The following CAPN15 variants were observed in gnomAD, a reference collection of about 807,000 sequenced individuals.
The protein encoded by CAPN15 is calpain 15.
In CAPN15, 53 loss-of-function variants were observed where a neutral mutation model predicts 97.9. That is an observed-to-expected ratio of 0.54 (90% confidence interval 0.43 to 0.68). CAPN15 has a LOEUF of 0.68. Among genes scored for constraint, CAPN15 ranks in the 30% least tolerant of loss-of-function variants. The pLI is 0.00. For missense variants in CAPN15, 1,592 were observed against 1,589.8 expected, an observed-to-expected ratio of 1.00 and a Z score of -0.02; for synonymous variants, 922 against 722.5, an observed-to-expected ratio of 1.28 and a Z score of -4.43.
intron 3 of CAPN15, among the ~76,000 whole-genome samples, chr16:542,908 G>C (rs528354046): frequency 1.3e-5 from 2 of 152,154 alleles, no homozygotes; most frequent in Non-Finnish European, 2.9e-5. Context: ...AAAATTAGCT[G>C]GGCGTGGTGA....
chr16:537,187 C>G, intron 3 of CAPN15: 1 of 985,508 alleles, frequency 1.0e-6, no homozygotes, highest in Non-Finnish European at 1.2e-6. Context: ...TGTCCCTGCT[C>G]TCCTAGGACA....
At chr16:550,038 A>G (rs1442882141) in intron 7 of CAPN15, among the ~76,000 whole-genome samples, 200 bp downstream of exon 7, 2 of 152,024 alleles carry the variant, frequency 1.3e-5, no homozygotes, top group Non-Finnish European at 2.9e-5. Context: ...TTCTCATGCC[A>G]GGAAGGCCAC....
chr16:533,955 C>T lies in CAPN15; in HGVS notation c.-180C>T. On this transcript the variant is annotated 5_prime_UTR_variant, in exon 2 of 14. Coordinates refer to ENST00000219611, the MANE Select transcript of CAPN15 (RefSeq NM_005632.3). ...ATGCCTCCCTTTCTAGGCAGCAGCC[C>T]AGACGCGGCACAGAGAGGGCCTGGG... The T allele has an allele frequency of 1.0e-6, 1 of 985,404 alleles. No homozygotes were observed. The highest frequency in any genetic ancestry group is 1.2e-6 in the Non-Finnish European group (1 of 829,904). The allele number at this position is 985,404 out of a possible 1,614,324, so 61.0% of individuals were successfully genotyped here. A position where few individuals can be genotyped will look rare whatever the true frequency, so the allele number is the denominator to read the frequency against.
At position 553,880 on chromosome 16, in the gene CAPN15, A is replaced by C; in HGVS notation, c.*364A>C. ...AGCCAGGAGCTCTGTCCGCAAAACC[A>C]AATCTGGGTGTCAGAGGCCAAGACC... is the stretch of plus-strand genomic sequence containing the variant. On this transcript the variant is annotated 3_prime_UTR_variant, in exon 14 of 14. Coordinates refer to ENST00000219611, the MANE Select transcript of CAPN15 (RefSeq NM_005632.3). The C allele has an allele frequency of 4.9e-6, 1 of 206,114 alleles. No individual in the cohort carries two copies. The allele number at this position is 206,114 out of a possible 1,614,324, so 12.8% of individuals were successfully genotyped here. A position where few individuals can be genotyped will look rare whatever the true frequency, so the allele number is the denominator to read the frequency against.
intron 4 of CAPN15, 109 bp from the exon 5 acceptor site, chr16:548,884 T>G: frequency 3.0e-6 from 3 of 1,007,988 alleles, no homozygotes; most frequent in Non-Finnish European, 4.6e-6. Flanking sequence ...ACCCGTCCCT[T>G]TGGGGCTCAG....
chr16:543,990 ATGCG>A (rs2034347488), intron 3 of CAPN15, among the ~76,000 whole-genome samples: 1 of 148,418 alleles, frequency 6.7e-6, no homozygotes, highest in Non-Finnish European at 1.5e-5. Flanking sequence ...CCATGCGGCC[ATGCG>A]GCCGGCGTGG....
Position 552,862 on chromosome 16 carries a change from G to A in CAPN15, c.2905-1G>A, listed in dbSNP as rs1231122443. On this transcript the variant is annotated splice_acceptor_variant, in intron 12 of 13. Coordinates refer to ENST00000219611, the MANE Select transcript of CAPN15 (RefSeq NM_005632.3). LOFTEE classifies it high-confidence loss of function. The surrounding 1 kb of genome is among the most constrained non-coding windows in gnomAD (Gnocchi z 6.4). ...CCCACAACTGCCATTCCTGTGCCCA[G>A]GGCCGTGAGGGCATGACCTGCTACT... The A allele has an allele frequency of 6.6e-7, 1 of 1,513,416 alleles. No individual in the cohort carries two copies. Among genetic ancestry groups the A allele is most frequent in the Non-Finnish European group, 8.9e-7 (1 of 1,118,406 alleles). 93.7% of individuals were successfully genotyped at this position (1,513,416 alleles called of 1,614,324 possible).
Position 552,580 on chromosome 16 carries a change from G to A in CAPN15, c.2738-25G>A, listed in dbSNP as rs763830127. On this transcript the variant is annotated intron_variant, in intron 11 of 13. Transcript: ENST00000219611. This position sits in a 1 kb window ranked among gnomAD's most constrained non-coding sequence, Gnocchi z 6.4. The stretch of plus-strand genomic sequence containing the variant: ...ATGCCCCAGGCCCACGGGGAGGGCT[G>A]CGGTTCACACGCCCGTCCTTGTAGC... 10 of 1,556,148 alleles carry A rather than the reference G, an allele frequency of 6.4e-6. No individual in the cohort carries two copies. In the Admixed American group the frequency reaches 1.1e-4, roughly 17 times the overall value.
chr16:547,346 C>T lies in CAPN15; in HGVS notation c.508C>T (p.Arg170Cys), dbSNP rs890227493. The T allele has an allele frequency of 5.2e-6, 8 of 1,542,332 alleles. No individual in the cohort carries two copies. Among genetic ancestry groups the T allele is most frequent in the South Asian group, 1.2e-5 (1 of 85,116 alleles). ...ASSCSVCGGP[R>C]RLSLPRIPPE... ...CTCCTGCTCCGTCTGCGGGGGCCCA[C>T]GCAGGCTCTCGCTGCCACGGATCCC... Residue 170 changes from arginine to cysteine, a missense_variant, in exon 4 of 14, where the codon CGC (arginine) becomes TGC (cysteine). Arg to Cys is a radical substitution (Grantham distance 180). Coordinates refer to ENST00000219611, the MANE Select transcript of CAPN15 (RefSeq NM_005632.3).
At chr16:540,782 G>T (rs911960532) in intron 3 of CAPN15, among the ~76,000 whole-genome samples, 60 of 152,334 alleles carry the variant, frequency 3.9e-4, no homozygotes, top group African/African-American at 1.4e-3. Flanking sequence ...CACATGGCTT[G>T]GTGGCCGAAC....
chr16:533,998 G>A lies in CAPN15; in HGVS notation c.-137G>A. ...GGCCTGGGAGCTTGCTGCAGCTTCA[G>A]GTGAGTTTGTTCCCAAGCCCTGCGG... On this transcript the variant is annotated splice_region_variant and 5_prime_UTR_variant, in exon 2 of 14. Transcript: ENST00000219611. 1 of 985,366 alleles carries A rather than the reference G, an allele frequency of 1.0e-6. No individual in the cohort carries two copies. Among genetic ancestry groups the A allele is most frequent in the Non-Finnish European group, 1.2e-6 (1 of 829,838 alleles). 61.0% of individuals were successfully genotyped at this position (985,366 alleles called of 1,614,324 possible). A position where few individuals can be genotyped will look rare whatever the true frequency, so the allele number is the denominator to read the frequency against.
At chr16:544,893 C>G (rs1339532404) in intron 3 of CAPN15, among the ~76,000 whole-genome samples, 1 of 131,522 alleles carries the variant, frequency 7.6e-6, no homozygotes, top group Admixed American at 7.6e-5. Context: ...CGTCTCCCCC[C>G]ACGTCGTCGT....
At position 552,148 on chromosome 16, in the gene CAPN15, G is replaced by A; in HGVS notation, c.2443G>A (p.Val815Ile). Residue 815 changes from valine (V) to isoleucine (I), a missense_variant, in exon 10 of 14, where the codon GTA becomes ATA. Physicochemically the swap from Val to Ile is conservative, Grantham distance 29. Coordinates refer to ENST00000219611, the MANE Select transcript of CAPN15 (RefSeq NM_005632.3). The surrounding 1 kb of genome is among the most constrained non-coding windows in gnomAD (Gnocchi z 6.4). Reference protein sequence around the residue: ...FPSSASAPVGVTALTVLERAS... With the variant: ...FPSSASAPVGITALTVLERAS... ...CAGCTCGGCCAGCGCGCCCGTGGGG[G>A]TAACAGCGCTCACGGTGCTGGAGCG... 6.5e-7 allele frequency: 1 copy of A among 1,547,142 alleles called. No individual in the cohort carries two copies. Among genetic ancestry groups the A allele is most frequent in the Non-Finnish European group, 8.7e-7 (1 of 1,145,916 alleles).
rs764536278 is a variant in CAPN15 at position 547,611 on chromosome 16, C to T, written c.773C>T (p.Pro258Leu). 4.7e-5 allele frequency: 74 copies of T among 1,572,150 alleles called. 1 individual carries two copies. The highest frequency in any genetic ancestry group is 6.8e-5 in the East Asian group (3 of 44,166). ...RREVPPQLQP[P>L]VPEAAQPSPS... ...GAGGTTCCCCCCCAGCTGCAGCCAC[C>T]GGTGCCTGAGGCTGCCCAGCCGTCA... The change falls in exon 4 of 14, where the codon CCG (proline) becomes CTG (leucine). Residue 258 changes from proline to leucine, a missense_variant. Transcript: ENST00000219611.
chr16:552,314 G>T lies in CAPN15; in HGVS notation c.2521G>T (p.Val841Leu). The T allele has an allele frequency of 1.3e-6, 2 of 1,568,762 alleles. No homozygotes were observed. Among genetic ancestry groups the T allele is most frequent in the Non-Finnish European group, 1.7e-6 (2 of 1,162,624 alleles). ...TGTCTGGCGCAGGCGCTCGGACGCC[G>T]TGGACAGCCACCTGCTGGACCTGTG... ...FQEGSRRSDAVDSHLLDLCIL... is the reference protein window; with the variant it reads ...FQEGSRRSDALDSHLLDLCIL... Residue 841 changes from valine (V) to leucine (L), a missense_variant, in exon 11 of 14, where the codon GTG becomes TTG. Physicochemically the swap from Val to Leu is conservative, Grantham distance 32 (BLOSUM62 1). This residue lies in a region of CAPN15 where 644 missense variants were observed against 699.6 expected (regional missense o/e 0.92). Coordinates refer to ENST00000219611, the MANE Select transcript of CAPN15 (RefSeq NM_005632.3). This position sits in a 1 kb window ranked among gnomAD's most constrained non-coding sequence, Gnocchi z 6.4.
chr16:528,658 G>A, intron 1 of CAPN15: 1 of 903,562 alleles, frequency 1.1e-6, no homozygotes, highest in Non-Finnish European at 1.3e-6. Flanking sequence ...GTGGTCAGCT[G>A]GCCCTGGCCG....
chr16:532,254 GA>G (rs888647484), intron 1 of CAPN15, among the ~76,000 whole-genome samples: 4 of 139,806 alleles, frequency 2.9e-5, no homozygotes, highest in Admixed American at 2.2e-4. Context: ...AAAAAAAAAA[GA>G]AAAAAAAGTA....
rs2034678573 is a variant in CAPN15 at position 547,525 on chromosome 16, C to G, written c.687C>G (p.Val229=). Residue 229 remains valine, a synonymous_variant, in exon 4 of 14, where the codon GTC becomes GTG. Transcript: ENST00000219611. ...GPAAEPEPPR[V]PPFSPFSSTL... is the part of the protein sequence containing the mutation. The stretch of plus-strand genomic sequence containing the variant: ...CTGCCGAACCAGAGCCGCCCAGGGT[C>G]CCGCCCTTCAGCCCCTTCTCGTCCA... The G allele has an allele frequency of 1.9e-6, 3 of 1,598,108 alleles. No individual in the cohort carries two copies. Among genetic ancestry groups the G allele is most frequent in the Non-Finnish European group, 2.5e-6 (3 of 1,179,096 alleles).
Position 528,633 on chromosome 16 carries a change from C to CGG in CAPN15, c.-190+608_-190+609dup. The stretch of plus-strand genomic sequence containing the variant: ...CAGAAGGGGCCCCTCTAGTCCTGAC[C>CGG]GGGGGAACTCTTGTGTGGTCAGCTG... On this transcript the variant is annotated intron_variant, in intron 1 of 13. Transcript: ENST00000219611. The CGG allele has an allele frequency of 4.1e-6, 3 of 739,108 alleles. No individual in the cohort carries two copies. In the East Asian group the frequency reaches 3.9e-4, roughly 96 times the overall value. 45.8% of individuals were successfully genotyped at this position (739,108 alleles called of 1,614,324 possible). A position where few individuals can be genotyped will look rare whatever the true frequency, so the allele number is the denominator to read the frequency against.
Sources: gnomAD v4.1 joint callset for allele counts (sites outside exome capture counted in the v4.1 genomes callset) on GRCh38, gnomAD v4.1.1 for gene constraint, gnomAD v4.1.1 regional missense constraint, Gnocchi (gnomAD v3.1) non-coding constraint, MANE v1.5 for transcripts, NCBI Gene and HGNC (gene_info 2026-07-23, HGNC 2026-07-21) for gene names.